CYSLTR2: variants seen among roughly 807,000 people sequenced by gnomAD.
The protein encoded by CYSLTR2 is G-protein coupled receptor GPCR21.
For missense variants in CYSLTR2, 398 were observed against 411.9 expected (o/e 0.97, Z 0.29); for synonymous variants, 179 against 160.8 (o/e 1.11, Z -0.86).
At chr13:48,676,040 C>G (rs957458614) in intron 1 of CYSLTR2, among the ~76,000 whole-genome samples, 1 of 152,190 alleles carries the variant, frequency 6.6e-6, no homozygotes, top group Non-Finnish European at 1.5e-5. Flanking sequence ...CAGAAATCAC[C>G]CACTTTCTGC....
chr13:48,661,179 T>C (rs1953118616), intron 1 of CYSLTR2, among the ~76,000 whole-genome samples: 1 of 152,132 alleles, frequency 6.6e-6, no homozygotes, highest in African/African-American at 2.4e-5. Context: ...CTTGAATTCC[T>C]GGGCTCAAGC....
intron 1 of CYSLTR2, among the ~76,000 whole-genome samples, chr13:48,689,612 A>ATATCTG (rs146135839): frequency 0.16 from 24,647 of 151,896 alleles, 2,088 homozygotes; most frequent in Middle Eastern, 0.28. Context: ...ATTGGTCTAT[A>ATATCTG]TATCTGTTTT....
rs952381973 is a variant in CYSLTR2 at position 48,711,144 on chromosome 13, G to A, written c.*3286G>A. 6 of 152,096 alleles carry A rather than the reference G, an allele frequency of 3.9e-5. No homozygotes were observed. In the East Asian group the frequency reaches 7.7e-4, roughly 20 times the overall value. 9.4% of individuals were successfully genotyped at this position (152,096 alleles called of 1,614,324 possible). On this transcript the variant is annotated 3_prime_UTR_variant, in exon 5 of 5. Transcript: ENST00000682523. The stretch of plus-strand genomic sequence containing the variant: ...AGGATAGGGTGGGGACTTATTTTAC[G>A]AACTGTGTAATTGCCTAACTTGTGA...
intron 1 of CYSLTR2, among the ~76,000 whole-genome samples, chr13:48,672,204 T>C (rs1049481398): frequency 6.6e-6 from 1 of 152,148 alleles, no homozygotes; most frequent in Non-Finnish European, 1.5e-5. Context: ...TAGCAGTCTA[T>C]CTATTTTGTT....
intron 4 of CYSLTR2, among the ~76,000 whole-genome samples, chr13:48,696,963 G>A (rs950661907): frequency 2.6e-5 from 4 of 152,186 alleles, no homozygotes; most frequent in Non-Finnish European, 5.9e-5. Context: ...GGCTTGGGGA[G>A]GGGCATCCAC....
At chr13:48,701,909 G>A (rs1854787682) in intron 4 of CYSLTR2, among the ~76,000 whole-genome samples, 1 of 152,104 alleles carries the variant, frequency 6.6e-6, no homozygotes. Flanking sequence ...TCCCATTACT[G>A]GGCATATACC....
In CYSLTR2 at chr13:48,708,046, A is replaced by C; in HGVS notation, c.*188A>C. ...AGTGTATTTTCAGTTGTTGAGTCTT[A>C]ATGAGGGATACAGGAGGAAAAATCC... is the stretch of plus-strand genomic sequence containing the variant. On this transcript the variant is annotated 3_prime_UTR_variant, in exon 5 of 5. Transcript: ENST00000682523. 2.0e-6 allele frequency: 1 copy of C among 494,702 alleles called. No individual in the cohort carries two copies. The highest frequency in any genetic ancestry group is 3.5e-6 in the Non-Finnish European group (1 of 284,066). The allele number at this position is 494,702 out of a possible 1,614,324, so 30.6% of individuals were successfully genotyped here.
intron 1 of CYSLTR2, among the ~76,000 whole-genome samples, chr13:48,661,316 A>T (rs1481939142): frequency 6.6e-6 from 1 of 152,106 alleles, no homozygotes; most frequent in Non-Finnish European, 1.5e-5. Context: ...TCCCATGGTC[A>T]TAGAGGTAGT....
In CYSLTR2 at chr13:48,661,559, T is replaced by C. The variant is rs150190652; in HGVS notation, c.-266+7542T>C. 1.8e-4 allele frequency among the ~76,000 whole-genome samples: 28 copies of C among 151,936 alleles called. No individual in the cohort carries two copies. The East Asian group carries it at 2.5e-3, about 14-fold the overall frequency. On this transcript the variant is annotated intron_variant, in intron 1 of 4. Transcript: ENST00000682523. ...TTAACATCACTGAGCGCTCACCCTGTATGAGACAACTCACATTTATTATGC... is the reference window on the plus strand; with the variant it reads ...TTAACATCACTGAGCGCTCACCCTGCATGAGACAACTCACATTTATTATGC...
At chr13:48,687,403 A>ACC (rs1953922067) in intron 1 of CYSLTR2, among the ~76,000 whole-genome samples, 1 of 150,924 alleles carries the variant, frequency 6.6e-6, no homozygotes, top group African/African-American at 2.4e-5. Context: ...GATAATTGGT[A>ACC]GATTATCATC....
chr13:48,671,503 T>C (rs1011749456), intron 1 of CYSLTR2, among the ~76,000 whole-genome samples: 1 of 152,372 alleles, frequency 6.6e-6, no homozygotes, highest in South Asian at 2.1e-4. Context: ...TTGAATTTTA[T>C]CAAAGGCCTT....
intron 3 of CYSLTR2, 107 bp from the exon 4 acceptor site, chr13:48,696,419 A>AT (rs968302850): frequency 5.3e-5 from 8 of 152,034 alleles, no homozygotes; most frequent in African/African-American, 7.3e-5. Flanking sequence ...CAATTTATCA[A>AT]TTTTTTCTTT....
chr13:48,678,786 T>C (rs1476480476), intron 1 of CYSLTR2, among the ~76,000 whole-genome samples: 1 of 152,174 alleles, frequency 6.6e-6, no homozygotes, highest in Non-Finnish European at 1.5e-5. Context: ...GACTTCCCTT[T>C]TCCCTGACCC....
At chr13:48,692,136 A>G (rs1954054766) in intron 2 of CYSLTR2, among the ~76,000 whole-genome samples, 2 of 152,024 alleles carry the variant, frequency 1.3e-5, no homozygotes. Flanking sequence ...AGGAGACAAG[A>G]TGTAAGTCAT....
intron 4 of CYSLTR2, among the ~76,000 whole-genome samples, chr13:48,704,154 G>T (rs1324135329): frequency 6.6e-6 from 1 of 151,996 alleles, no homozygotes; most frequent in African/African-American, 2.4e-5. Context: ...TTTGTCAATT[G>T]TATCAGGAGA....
intron 4 of CYSLTR2, among the ~76,000 whole-genome samples, chr13:48,699,846 G>A (rs1026847429): frequency 1.3e-5 from 2 of 152,148 alleles, no homozygotes; most frequent in South Asian, 2.1e-4. Flanking sequence ...TATCACCACT[G>A]ATCCAACAGA....
Position 48,688,490 on chromosome 13 carries a change from G to A in CYSLTR2, c.-265-2722G>A, listed in dbSNP as rs145703263. Among the ~76,000 whole-genome samples, 5 of 152,244 alleles carry A rather than the reference G, an allele frequency of 3.3e-5. No individual in the cohort carries two copies. The East Asian group carries it at 7.7e-4, about 24-fold the overall frequency. On this transcript the variant is annotated intron_variant, in intron 1 of 4. Coordinates refer to ENST00000682523, the MANE Select transcript of CYSLTR2 (RefSeq NM_001308476.3). Reference sequence around the variant, plus strand: ...TTCTCATTATTCAACTCCCACTTATGAGTGAGAAGATGTGGTGTTTGCTTT... The same window carrying A: ...TTCTCATTATTCAACTCCCACTTATAAGTGAGAAGATGTGGTGTTTGCTTT...
Position 48,707,432 on chromosome 13 carries a change from C to A in CYSLTR2, c.615C>A (p.Ala205=). 1 of 1,614,102 alleles carries A rather than the reference C, an allele frequency of 6.2e-7. No homozygotes were observed. The highest frequency in any genetic ancestry group is 8.5e-7 in the Non-Finnish European group (1 of 1,180,034). The change falls in exon 5 of 5, where the codon GCC becomes GCA. Residue 205 remains alanine, a synonymous_variant. Transcript: ENST00000682523. ...AGCTGCAGACCATGAACTATATTGCCTTGGTGGTGGGCTGCCTGCTGCCAT... is the reference window on the plus strand; with the variant it reads ...AGCTGCAGACCATGAACTATATTGCATTGGTGGTGGGCTGCCTGCTGCCAT... ...IAKLQTMNYI[A]LVVGCLLPFF...
chr13:48,662,465 G>A (rs1953154554), intron 1 of CYSLTR2, among the ~76,000 whole-genome samples: 1 of 152,072 alleles, frequency 6.6e-6, no homozygotes, highest in Non-Finnish European at 1.5e-5. Flanking sequence ...CTACTTTACA[G>A]TCCCACCAAC....
Sources: allele counts gnomAD v4.1 joint callset (sites outside exome capture counted in the v4.1 genomes callset), GRCh38; gene constraint gnomAD v4.1.1; transcripts MANE v1.5; gene names NCBI Gene and HGNC (gene_info 2026-07-23, HGNC 2026-07-21).